Variants in OSBPL10 observed in about 807,000 individuals in gnomAD.
The protein encoded by OSBPL10 is oxysterol binding protein like 10.
OSBPL10 carries 49 observed loss-of-function variants against 81.7 expected under a neutral mutation model. The observed-to-expected ratio is 0.60, with a 90% CI of 0.48 to 0.76. OSBPL10 has a LOEUF of 0.76. Ranked by LOEUF, OSBPL10 falls within the 30% of genes least tolerant of loss-of-function variation. The pLI is 0.00. For synonymous variants in OSBPL10, 419 were observed against 383.6 expected, an observed-to-expected ratio of 1.09 and a Z score of -1.08; for missense variants, 923 against 987.8, an observed-to-expected ratio of 0.93 and a Z score of 0.88.
At chr3:31,722,863 TATTA>T (rs1696690712) in intron 6 of OSBPL10, among the ~76,000 whole-genome samples, 3 of 152,304 alleles carry the variant, frequency 2.0e-5, no homozygotes, top group African/African-American at 7.2e-5. Context: ...ACTCTTACAA[TATTA>T]ATTTTTAAAT....
intron 1 of OSBPL10, among the ~76,000 whole-genome samples, chr3:32,069,382 A>C (rs1475150917): frequency 6.6e-6 from 1 of 152,124 alleles, no homozygotes; most frequent in Non-Finnish European, 1.5e-5. Flanking sequence ...ACTACCAGGC[A>C]GATTCCCCAG....
rs566043341 is a variant in OSBPL10, at chr3:31,767,288, A to T, written c.730-19168T>A. On this transcript the variant is annotated intron_variant, in intron 4 of 11. Coordinates refer to ENST00000396556, the MANE Select transcript of OSBPL10 (RefSeq NM_017784.5). ...AGTTCTTCTCCCACGACCATCACTAAGCCAGTGAGAAAAAAACTCAACTGT... is the reference window on the plus strand; with the variant it reads ...AGTTCTTCTCCCACGACCATCACTATGCCAGTGAGAAAAAAACTCAACTGT... 3.3e-5 allele frequency among the ~76,000 whole-genome samples: 5 copies of T among 152,346 alleles called. No individual in the cohort carries two copies. In the South Asian group the frequency reaches 1.0e-3, roughly 32 times the overall value.
At chr3:31,971,122 G>GTT (rs141324910) in intron 1 of OSBPL10, among the ~76,000 whole-genome samples, 2 of 139,608 alleles carry the variant, frequency 1.4e-5, no homozygotes, top group African/African-American at 2.6e-5. Flanking sequence ...TTTTTTTTCT[G>GTT]TTTTTTTTTC....
At chr3:31,715,951 T>G (rs1696417990) in intron 6 of OSBPL10, among the ~76,000 whole-genome samples, 1 of 152,202 alleles carries the variant, frequency 6.6e-6, no homozygotes, top group African/African-American at 2.4e-5. Context: ...CTGCCTTGCT[T>G]TTCCCACAAA....
At chr3:31,706,764 A>G (rs1696078842) in intron 6 of OSBPL10, among the ~76,000 whole-genome samples, 1 of 152,230 alleles carries the variant, frequency 6.6e-6, no homozygotes, top group African/African-American at 2.4e-5. Flanking sequence ...TTTTTATTCA[A>G]TACATATATG....
At chr3:31,896,661 G>A (rs942271699) in intron 1 of OSBPL10, among the ~76,000 whole-genome samples, 2 of 152,224 alleles carry the variant, frequency 1.3e-5, no homozygotes, top group African/African-American at 2.4e-5. Flanking sequence ...CATTGTCATG[G>A]GCAGATAAGC....
intron 4 of OSBPL10, among the ~76,000 whole-genome samples, chr3:31,798,618 T>C (rs1320731007): frequency 6.6e-6 from 1 of 152,176 alleles, no homozygotes; most frequent in African/African-American, 2.4e-5. Flanking sequence ...TAGTAGGAAA[T>C]TTTTAATTAC....
intron 2 of OSBPL10, among the ~76,000 whole-genome samples, chr3:32,026,637 G>A (rs1002957535): frequency 1.4e-4 from 22 of 152,178 alleles, no homozygotes; most frequent in African/African-American, 3.9e-4. Flanking sequence ...AAACCCTACC[G>A]TTAATATCTG....
intron 6 of OSBPL10, among the ~76,000 whole-genome samples, chr3:31,712,342 T>C (rs1239435667): frequency 6.6e-6 from 1 of 152,176 alleles, no homozygotes; most frequent in Non-Finnish European, 1.5e-5. Context: ...CACATCCTAA[T>C]TCCCGGAACC....
At chr3:31,996,987 T>C (rs979887693) in intron 2 of OSBPL10, among the ~76,000 whole-genome samples, 3 of 152,150 alleles carry the variant, frequency 2.0e-5, no homozygotes, top group African/African-American at 7.2e-5. Context: ...GAAATTATCA[T>C]GGAGATTCAT....
intron 7 of OSBPL10, among the ~76,000 whole-genome samples, chr3:31,693,719 C>T (rs1196394581): frequency 6.6e-6 from 1 of 152,166 alleles, no homozygotes; most frequent in Non-Finnish European, 1.5e-5. Flanking sequence ...GCAGTAGACA[C>T]AATACGGTCT....
chr3:31,882,589 C>T (rs67805226), intron 1 of OSBPL10, among the ~76,000 whole-genome samples: 71,019 of 152,052 alleles, frequency 0.47, 16,949 homozygotes, highest in African/African-American at 0.55. Flanking sequence ...ATCCAGAACA[C>T]ATTTCTCAGC....
rs1254932003 is a variant in OSBPL10 at position 32,024,579 on chromosome 3, C to G, written n.298+21912G>C. ...GATCTCGGCTCACTGCAACCTCCAC[C>G]TCCCAGGTTCAAGTCCTGCCTCAGC... On this transcript the variant is annotated intron_variant and non_coding_transcript_variant, in intron 2 of 3. Coordinates refer to the OSBPL10 transcript ENST00000479173. Among the ~76,000 whole-genome samples the G allele has an allele frequency of 2.0e-5, 3 of 151,114 alleles. 1 individual carries two copies. The highest frequency in any genetic ancestry group is 7.3e-5 in the African/African-American group (3 of 41,006).
chr3:32,013,713 A>G (rs1037909739), intron 2 of OSBPL10, among the ~76,000 whole-genome samples: 2 of 152,244 alleles, frequency 1.3e-5, no homozygotes, highest in Non-Finnish European at 2.9e-5. Context: ...CTAATAAAGA[A>G]GAAAAGAGAG....
chr3:31,986,604 A>G (rs1297744735), intron 2 of OSBPL10, among the ~76,000 whole-genome samples: 1 of 150,060 alleles, frequency 6.7e-6, no homozygotes, highest in Non-Finnish European at 1.5e-5. Context: ...AAAAGTTTAT[A>G]TTTTTTTATA....
At chr3:31,775,295 G>C (rs1358416749) in intron 4 of OSBPL10, among the ~76,000 whole-genome samples, 1 of 152,132 alleles carries the variant, frequency 6.6e-6, no homozygotes, top group Non-Finnish European at 1.5e-5. Context: ...GCAAAGGACT[G>C]CTTCCACTGA....
chr3:32,006,709 C>T (rs577100836), intron 2 of OSBPL10, among the ~76,000 whole-genome samples: 1 of 152,140 alleles, frequency 6.6e-6, no homozygotes, highest in African/African-American at 2.4e-5. Context: ...GTGGTGTCAA[C>T]CTCATATATC....
intron 1 of OSBPL10, among the ~76,000 whole-genome samples, chr3:32,053,315 G>A (rs997032187): frequency 6.6e-6 from 1 of 152,204 alleles, no homozygotes; most frequent in African/African-American, 2.4e-5. Context: ...ATTGTTTTAA[G>A]TTATATTAGG....
intron 1 of OSBPL10, among the ~76,000 whole-genome samples, chr3:31,934,923 C>T (rs1485816218): frequency 1.3e-5 from 2 of 152,270 alleles, no homozygotes. Flanking sequence ...CTAAAGCAAC[C>T]AGTCCAAAGA....
Sources: allele counts gnomAD v4.1 joint callset (sites outside exome capture counted in the v4.1 genomes callset), GRCh38; gene constraint gnomAD v4.1.1; transcripts MANE v1.5; gene names NCBI Gene and HGNC (gene_info 2026-07-23, HGNC 2026-07-21).